Variants in CAMKK2 observed in about 807,000 individuals in gnomAD.
CAMKK2 encodes the protein calcium/calmodulin-dependent protein kinase kinase 2.
A neutral mutation model predicts 67.2 loss-of-function variants in CAMKK2; 30 were observed. The observed-to-expected ratio is 0.45, with a 90% CI of 0.33 to 0.61. CAMKK2 has a LOEUF of 0.61. Among genes scored for constraint, CAMKK2 ranks in the 20% least tolerant of loss-of-function variants. The probability of loss-of-function intolerance (pLI) is 0.02; values close to 1 mark genes in which losing one functional copy is unlikely to be tolerated. For missense variants in CAMKK2, 643 were observed against 802.0 expected (o/e 0.80, Z 2.39); for synonymous variants, 322 against 326.2 (o/e 0.99, Z 0.14).
At position 121,278,548 on chromosome 12, in the gene CAMKK2, G is replaced by A. The variant is rs577870920; in HGVS notation, c.-59-3963C>T. ...ACCCAGTGGGAGATAATTGAATCAC[G>A]GGGGCGGGTTCCCCCATACTGTTCT... On this transcript the variant is annotated intron_variant, in intron 1 of 16. Transcript: ENST00000404169. 9.2e-5 allele frequency among the ~76,000 whole-genome samples: 14 copies of A among 152,240 alleles called. 1 individual carries two copies. The highest frequency in any genetic ancestry group is 7.9e-4 in the Admixed American group (12 of 15,284).
chr12:121,292,174 G>C (rs143795048), intron 1 of CAMKK2, among the ~76,000 whole-genome samples: 1 of 151,546 alleles, frequency 6.6e-6, no homozygotes, highest in Admixed American at 6.6e-5. Context: ...CGCCCAGGCA[G>C]GAGTGCAGTG....
chr12:121,251,594 CA>C (rs1026798686), intron 11 of CAMKK2, among the ~76,000 whole-genome samples: 2 of 152,070 alleles, frequency 1.3e-5, no homozygotes, highest in African/African-American at 4.8e-5. Flanking sequence ...CTGGGAGGCC[CA>C]GGCTGGCAGA....
chr12:121,268,758 G>C, intron 4 of CAMKK2, 69 bp from the exon 5 acceptor site: 1 of 1,466,832 alleles, frequency 6.8e-7, no homozygotes, highest in Non-Finnish European at 9.5e-7. Context: ...AGGGGAAGGA[G>C]GGCGCAGTCG....
At chr12:121,269,764 C>A in intron 3 of CAMKK2, 183 bp from the exon 4 acceptor site, 1 of 593,274 alleles carries the variant, frequency 1.7e-6, no homozygotes, top group East Asian at 2.8e-5. Context: ...ACAGAAAGAT[C>A]TGGGCGGAGC....
intron 11 of CAMKK2, among the ~76,000 whole-genome samples, chr12:121,250,429 G>A (rs748032983): frequency 6.6e-6 from 1 of 152,172 alleles, no homozygotes; most frequent in Non-Finnish European, 1.5e-5. Context: ...ATTTTCAAGG[G>A]CTTAGCCTGG....
intron 1 of CAMKK2, among the ~76,000 whole-genome samples, chr12:121,280,441 G>A (rs1418722894): frequency 6.6e-6 from 1 of 152,126 alleles, no homozygotes; most frequent in Non-Finnish European, 1.5e-5. Flanking sequence ...GTGTGTTTGT[G>A]CAATATGAAA....
At position 121,244,630 on chromosome 12, in the gene CAMKK2, G is replaced by A. The variant is rs1443237173; in HGVS notation, c.1554-15C>T. The stretch of plus-strand genomic sequence containing the variant: ...TTGGTTTTTTGCTGGAATCACCAGA[G>A]GGAGGGAAAAGGGAAGTGAGAAGGG... On this transcript the variant is annotated splice_polypyrimidine_tract_variant and intron_variant, in intron 15 of 16. Coordinates refer to ENST00000404169, the MANE Select transcript of CAMKK2 (RefSeq NM_001270485.2). 8.3e-6 allele frequency: 13 copies of A among 1,558,562 alleles called. No individual in the cohort carries two copies. The highest frequency in any genetic ancestry group is 2.4e-5 in the South Asian group (2 of 84,436).
At position 121,253,186 on chromosome 12, in the gene CAMKK2, G is replaced by A; in HGVS notation, c.1107+87C>T. 1 of 1,165,376 alleles carries A rather than the reference G, an allele frequency of 8.6e-7. No homozygotes were observed. Among genetic ancestry groups the A allele is most frequent in the Non-Finnish European group, 1.3e-6 (1 of 789,936 alleles). The allele number at this position is 1,165,376 out of a possible 1,614,324, so 72.2% of individuals were successfully genotyped here. A position where few individuals can be genotyped will look rare whatever the true frequency, so the allele number is the denominator to read the frequency against. On this transcript the variant is annotated intron_variant, in intron 10 of 16. Coordinates refer to ENST00000404169, the MANE Select transcript of CAMKK2 (RefSeq NM_001270485.2). This position sits in a 1 kb window ranked among gnomAD's most constrained non-coding sequence, Gnocchi z 5.0. ...TTGATCCAGGGGATTCACTGTTTAA[G>A]CCTGTGTGCGTTGGGTTTCTGCTGC...
At chr12:121,242,584 G>A (rs1888587945) in intron 16 of CAMKK2, among the ~76,000 whole-genome samples, 1 of 152,168 alleles carries the variant, frequency 6.6e-6, no homozygotes, top group Non-Finnish European at 1.5e-5. Flanking sequence ...TGCCTTCTGA[G>A]ACTGCTGAAG....
intron 16 of CAMKK2, chr12:121,244,129 T>C: frequency 6.2e-7 from 1 of 1,611,368 alleles, no homozygotes; most frequent in African/African-American, 1.3e-5. Context: ...ATTTTCTAGG[T>C]CTAAACACAT....
rs763294715 is a variant in CAMKK2, at chr12:121,274,208, C to A, written c.319G>T (p.Gly107Cys). 6.2e-7 allele frequency: 1 copy of A among 1,605,000 alleles called. No homozygotes were observed. The highest frequency in any genetic ancestry group is 1.7e-5 in the Admixed American group (1 of 59,412). ...AGGCTGCCACCGGCTGCCAGCCCACCCTGGGACCGCTCTTGCAGAGACAGC... is the reference window on the plus strand; with the variant it reads ...AGGCTGCCACCGGCTGCCAGCCCACACTGGGACCGCTCTTGCAGAGACAGC... ...RKLSLQERSQGGLAAGGSLDM... is the reference protein window; with the variant it reads ...RKLSLQERSQCGLAAGGSLDM... The change falls in exon 2 of 17, where the codon GGT becomes TGT. Residue 107 changes from glycine (G) to cysteine (C), a missense_variant. Around this residue, in one of 3 missense-constraint regions of CAMKK2, gnomAD observed 483 missense variants for 625.8 expected, o/e 0.77. Coordinates refer to ENST00000404169, the MANE Select transcript of CAMKK2 (RefSeq NM_001270485.2).
At chr12:121,244,907 A>G (rs1025526447) in intron 15 of CAMKK2, among the ~76,000 whole-genome samples, 1 of 152,262 alleles carries the variant, frequency 6.6e-6, no homozygotes, top group African/African-American at 2.4e-5. Flanking sequence ...CCCCAGCTAC[A>G]GTGCAAGTTC....
intron 5 of CAMKK2, among the ~76,000 whole-genome samples, chr12:121,264,522 C>G (rs1894119193): frequency 6.6e-6 from 1 of 152,094 alleles, no homozygotes; most frequent in Admixed American, 6.5e-5. Context: ...TGCCTGTAAT[C>G]CCAGCACTTT....
intron 2 of CAMKK2, among the ~76,000 whole-genome samples, chr12:121,272,842 C>G (rs188974597): frequency 1.1e-4 from 17 of 152,208 alleles, no homozygotes; most frequent in Middle Eastern, 3.4e-3. Flanking sequence ...AACTGCACTC[C>G]AGCCTGGGCA....
At position 121,255,217 on chromosome 12, in the gene CAMKK2, ATT is replaced by A. The variant is rs1354111204; in HGVS notation, c.907+331_907+332del. Reference sequence around the variant, plus strand: ...CTTTATATATATAATTATATATATAATTTTATATATATATAATTTTATATATA... The same window carrying A: ...CTTTATATATATAATTATATATATAATTATATATATATAATTTTATATATA... On this transcript the variant is annotated intron_variant, in intron 9 of 16. Transcript: ENST00000404169. Among the ~76,000 whole-genome samples the A allele has an allele frequency of 1.7e-4, 2 of 11,756 alleles. 1 individual carries two copies. Among genetic ancestry groups the A allele is most frequent in the Non-Finnish European group, 2.7e-4 (2 of 7,284 alleles). 7.7% of individuals were successfully genotyped at this position (11,756 alleles called of 152,430 possible).
intron 1 of CAMKK2, among the ~76,000 whole-genome samples, chr12:121,294,956 G>A (rs1405452042): frequency 6.6e-6 from 1 of 152,150 alleles, no homozygotes; most frequent in Non-Finnish European, 1.5e-5. Context: ...GATCACTTGA[G>A]GTAAGGAGTT....
chr12:121,292,032 G>A (rs923038729), intron 1 of CAMKK2, among the ~76,000 whole-genome samples: 15 of 151,918 alleles, frequency 9.9e-5, no homozygotes, highest in Admixed American at 7.2e-4. Flanking sequence ...CTCCAGCCTG[G>A]CGACAGAGTG....
rs201301886 is a variant in CAMKK2 at position 121,255,814 on chromosome 12, A to G, written c.797-10T>C. ...TTGACCAGTTCGAACACTGTAGGGA[A>G]GAAAAGGGTGAAACTGTTACATGGG... On this transcript the variant is annotated splice_polypyrimidine_tract_variant and intron_variant, in intron 7 of 16. Coordinates refer to ENST00000404169, the MANE Select transcript of CAMKK2 (RefSeq NM_001270485.2). 8.1e-5 allele frequency: 131 copies of G among 1,613,654 alleles called. No homozygotes were observed. The highest frequency in any genetic ancestry group is 1.1e-4 in the Non-Finnish European group (127 of 1,179,734).
intron 6 of CAMKK2, among the ~76,000 whole-genome samples, chr12:121,262,545 G>A (rs534855833): frequency 2.0e-5 from 3 of 151,904 alleles, no homozygotes; most frequent in South Asian, 2.1e-4. Context: ...ATGTTAATAC[G>A]CAATAAGCTT....
Sources: allele counts gnomAD v4.1 joint callset (sites outside exome capture counted in the v4.1 genomes callset), GRCh38; gene constraint gnomAD v4.1.1; regional missense constraint gnomAD v4.1.1; non-coding constraint Gnocchi (gnomAD v3.1); transcripts MANE v1.5; gene names NCBI Gene and HGNC (gene_info 2026-07-23, HGNC 2026-07-21).